ATXN7L1: variants seen among roughly 807,000 people sequenced by gnomAD.
ATXN7L1 encodes the protein ataxin-7-like protein 1.
ATXN7L1 carries 15 observed loss-of-function variants against 70.8 expected under a neutral mutation model. That is an observed-to-expected ratio of 0.21 (90% CI 0.14 to 0.33). The LOEUF (loss-of-function observed/expected upper bound fraction) is 0.33, where lower values mean the gene tolerates loss of function less well. Ranked by LOEUF, ATXN7L1 falls within the 10% of genes least tolerant of loss-of-function variation. The pLI, the probability that ATXN7L1 is intolerant of heterozygous loss-of-function variation, is 1.00. For synonymous variants in ATXN7L1, 440 were observed against 445.1 expected, an observed-to-expected ratio of 0.99 and a Z score of 0.14; for missense variants, 975 against 1,097.1, an observed-to-expected ratio of 0.89 and a Z score of 1.57.
chr7:105,837,882 T>G (rs1269653019), intron 2 of ATXN7L1, among the ~76,000 whole-genome samples: 1 of 151,696 alleles, frequency 6.6e-6, no homozygotes, highest in Non-Finnish European at 1.5e-5. Context: ...AATGCCTGCC[T>G]CCCTCGTGAA....
chr7:105,809,655 A>G (rs1291368513), intron 2 of ATXN7L1, among the ~76,000 whole-genome samples: 1 of 152,226 alleles, frequency 6.6e-6, no homozygotes, highest in African/African-American at 2.4e-5. Context: ...TAGCCCTCAC[A>G]GAAACCCTTC....
At chr7:105,792,802 TA>T (rs1805445286) in intron 2 of ATXN7L1, among the ~76,000 whole-genome samples, 1 of 152,248 alleles carries the variant, frequency 6.6e-6, no homozygotes, top group South Asian at 2.1e-4. Context: ...GTTAAATATT[TA>T]CTGGTACACC....
chr7:105,790,269 C>A (rs1391230740), intron 2 of ATXN7L1, among the ~76,000 whole-genome samples: 1 of 152,202 alleles, frequency 6.6e-6, no homozygotes, highest in Non-Finnish European at 1.5e-5. Context: ...CTAAAACCCA[C>A]TGAACTGTAC....
chr7:105,875,752 G>C (rs1819144781), intron 2 of ATXN7L1, 60 bp downstream of exon 2: 15 of 1,510,440 alleles, frequency 9.9e-6, no homozygotes, highest in African/African-American at 1.4e-5. Flanking sequence ...CATTATATTC[G>C]AAATCCTGTG....
intron 3 of ATXN7L1, among the ~76,000 whole-genome samples, chr7:105,692,379 T>C (rs1390399081): frequency 1.1e-5 from 1 of 88,186 alleles, no homozygotes; most frequent in Non-Finnish European, 2.2e-5. Context: ...CTTTCCTTCC[T>C]TCCTTCCTTC....
intron 2 of ATXN7L1, among the ~76,000 whole-genome samples, chr7:105,814,836 T>G (rs1221414053): frequency 6.6e-6 from 1 of 152,232 alleles, no homozygotes; most frequent in Non-Finnish European, 1.5e-5. Flanking sequence ...AAATAAATTC[T>G]TTAAATAAGA....
intron 3 of ATXN7L1, among the ~76,000 whole-genome samples, chr7:105,733,690 CCATCCATCCATT>C (rs1380915602): frequency 1.5e-5 from 2 of 135,118 alleles, no homozygotes; most frequent in Admixed American, 7.4e-5. Flanking sequence ...ACCCATCCAC[CCATCCATCCATT>C]CATCCATCCA....
intron 2 of ATXN7L1, among the ~76,000 whole-genome samples, chr7:105,845,985 G>A (rs940632032): frequency 6.6e-6 from 1 of 152,110 alleles, no homozygotes; most frequent in African/African-American, 2.4e-5. Flanking sequence ...CCTGAAATTA[G>A]ACAATGGTTT....
At chr7:105,610,645 G>C (rs571121565) in intron 10 of ATXN7L1, 42 bp from the exon 11 acceptor site, 2 of 1,516,158 alleles carry the variant, frequency 1.3e-6, no homozygotes, top group Admixed American at 2.0e-5. Context: ...ACACGAGCCA[G>C]CCTGGGAAGG....
At chr7:105,846,069 T>C (rs939328476) in intron 2 of ATXN7L1, among the ~76,000 whole-genome samples, 2 of 152,092 alleles carry the variant, frequency 1.3e-5, no homozygotes, top group African/African-American at 4.8e-5. Flanking sequence ...AATTAAAAGC[T>C]TTTGTGCTTC....
chr7:105,732,583 G>C (rs1796696462), intron 3 of ATXN7L1, among the ~76,000 whole-genome samples: 1 of 152,146 alleles, frequency 6.6e-6, no homozygotes. Context: ...CCAGCACCCA[G>C]GGACAACTGC....
intron 3 of ATXN7L1, among the ~76,000 whole-genome samples, chr7:105,682,599 A>G (rs1805678600): frequency 2.0e-5 from 3 of 152,372 alleles, no homozygotes; most frequent in South Asian, 4.1e-4. Flanking sequence ...ATACTCAGCC[A>G]TAAGAAGGAA....
chr7:105,751,622 T>C (rs928359728), intron 3 of ATXN7L1, among the ~76,000 whole-genome samples: 1 of 151,482 alleles, frequency 6.6e-6, no homozygotes, highest in Admixed American at 6.6e-5. Context: ...GGCAACAGAG[T>C]GAGATCCTGT....
chr7:105,608,195 T>A (rs1392707853), intron 11 of ATXN7L1, among the ~76,000 whole-genome samples: 1 of 152,196 alleles, frequency 6.6e-6, no homozygotes, highest in Non-Finnish European at 1.5e-5. Flanking sequence ...GAATAATTGA[T>A]GCCTTCATTT....
intron 3 of ATXN7L1, among the ~76,000 whole-genome samples, chr7:105,744,353 A>C (rs1025852805): frequency 2.6e-5 from 4 of 152,112 alleles, no homozygotes; most frequent in Non-Finnish European, 5.9e-5. Context: ...TCCGCTAGGG[A>C]GAGAGTCCCT....
At chr7:105,719,222 CCTT>C (rs1415481325) in intron 3 of ATXN7L1, among the ~76,000 whole-genome samples, 1 of 152,094 alleles carries the variant, frequency 6.6e-6, no homozygotes, top group Non-Finnish European at 1.5e-5. Flanking sequence ...CGCCCATCCC[CCTT>C]CTTCTCTTCT....
intron 2 of ATXN7L1, among the ~76,000 whole-genome samples, chr7:105,827,489 T>C (rs147555309): frequency 6.6e-6 from 1 of 152,312 alleles, no homozygotes; most frequent in African/African-American, 2.4e-5. Context: ...ACACCATGGG[T>C]TTGAATTGCG....
intron 3 of ATXN7L1, among the ~76,000 whole-genome samples, chr7:105,734,558 TC>T (rs1797166029): frequency 1.3e-5 from 2 of 152,028 alleles, no homozygotes; most frequent in Non-Finnish European, 2.9e-5. Context: ...CACCAGCTCT[TC>T]CCGCCCTCCT....
chr7:105,849,055 C>G (rs1222370295), intron 2 of ATXN7L1, among the ~76,000 whole-genome samples: 1 of 152,242 alleles, frequency 6.6e-6, no homozygotes, highest in Non-Finnish European at 1.5e-5. Context: ...CACTCCTAAC[C>G]CCACGACACA....
Sources: gnomAD v4.1 joint callset for allele counts (sites outside exome capture counted in the v4.1 genomes callset) on GRCh38, gnomAD v4.1.1 for gene constraint, MANE v1.5 for transcripts, NCBI Gene and HGNC (gene_info 2026-07-23, HGNC 2026-07-21) for gene names.